KAZN: variants seen among roughly 807,000 people sequenced by gnomAD.
The protein encoded by KAZN is kazrin, periplakin interacting protein, also known as kazrin.
KAZN carries 40 observed loss-of-function variants against 87.4 expected under a neutral mutation model. The observed-to-expected ratio is 0.46, with a 90% CI of 0.36 to 0.60. KAZN has a LOEUF of 0.60. Among genes scored for constraint, KAZN ranks in the 20% least tolerant of loss-of-function variants. The probability of loss-of-function intolerance (pLI) is 0.00; values close to 1 mark genes in which losing one functional copy is unlikely to be tolerated. For synonymous variants in KAZN, 466 were observed against 458.3 expected (o/e 1.02, Z -0.22); for missense variants, 898 against 1,073.9 (o/e 0.84, Z 2.29).
At position 14,598,980 on chromosome 1, in the gene KAZN, C is replaced by T; in HGVS notation, c.-18C>T. 4 of 1,567,010 alleles carry T rather than the reference C, an allele frequency of 2.6e-6. No individual in the cohort carries two copies. The highest frequency in any genetic ancestry group is 2.6e-6 in the Non-Finnish European group (3 of 1,160,240). On this transcript the variant is annotated 5_prime_UTR_variant, in exon 1 of 15. Transcript: ENST00000376030. The surrounding 1 kb of genome is among the most constrained non-coding windows in gnomAD (Gnocchi z 4.2). ...AGCTCTTTGTCACCTCTCTCGCCCC[C>T]AGGCCAAAATCCTGAGCATGATGGA...
intron 1 of KAZN, among the ~76,000 whole-genome samples, chr1:14,719,834 G>T (rs991302260): frequency 2.6e-5 from 4 of 152,178 alleles, no homozygotes; most frequent in Admixed American, 2.6e-4. Flanking sequence ...GTGAGACTCT[G>T]TTTAAGAAAA....
At chr1:15,051,699 G>A (rs894816699) in intron 4 of KAZN, among the ~76,000 whole-genome samples, 1 of 152,200 alleles carries the variant, frequency 6.6e-6, no homozygotes, top group Non-Finnish European at 1.5e-5. Context: ...CAGAGTGGCA[G>A]AGCCAGAACC....
At chr1:14,680,653 C>T (rs2148758636) in intron 1 of KAZN, among the ~76,000 whole-genome samples, 1 of 152,160 alleles carries the variant, frequency 6.6e-6, no homozygotes, top group East Asian at 1.9e-4. Context: ...TGATGTTCCC[C>T]TCCCTATGTC....
At chr1:14,491,031 T>C (rs1669620124) in intron 2 of KAZN, among the ~76,000 whole-genome samples, 1 of 152,244 alleles carries the variant, frequency 6.6e-6, no homozygotes, top group Non-Finnish European at 1.5e-5. Context: ...AGATTCCTTC[T>C]ACAGAAATGT....
chr1:14,294,791 C>G (rs1050254108), intron 2 of KAZN, among the ~76,000 whole-genome samples: 1 of 151,602 alleles, frequency 6.6e-6, no homozygotes, highest in African/African-American at 2.4e-5. Flanking sequence ...CTCATGAGTG[C>G]TTTATGAAGC....
intron 2 of KAZN, among the ~76,000 whole-genome samples, chr1:15,022,792 C>G (rs909980854): frequency 6.6e-5 from 10 of 152,240 alleles, no homozygotes; most frequent in African/African-American, 2.4e-4. Context: ...TAGGTCCCCG[C>G]TCATGCACCT....
intron 1 of KAZN, among the ~76,000 whole-genome samples, chr1:14,600,616 T>C (rs187292152): frequency 2.1e-4 from 31 of 146,268 alleles, no homozygotes; most frequent in African/African-American, 7.8e-4. Context: ...ATTCTTGTCA[T>C]CCTTGCAATG....
chr1:14,332,459 G>C (rs1437914648), intron 2 of KAZN, among the ~76,000 whole-genome samples: 1 of 152,178 alleles, frequency 6.6e-6, no homozygotes, highest in African/African-American at 2.4e-5. Flanking sequence ...CAGAGGCTCT[G>C]ATGTTTGACA....
At chr1:14,865,046 G>A (rs1236167132) in intron 1 of KAZN, among the ~76,000 whole-genome samples, 1 of 152,150 alleles carries the variant, frequency 6.6e-6, no homozygotes, top group East Asian at 1.9e-4. Flanking sequence ...TCTCCTCAAT[G>A]AGATCTTTCC....
At chr1:14,677,537 C>G (rs760886391) in intron 1 of KAZN, among the ~76,000 whole-genome samples, 7 of 152,018 alleles carry the variant, frequency 4.6e-5, no homozygotes, top group Non-Finnish European at 1.0e-4. Flanking sequence ...ATGACAGACT[C>G]TAAGACACCC....
At chr1:14,632,665 C>T (rs572587171) in intron 1 of KAZN, among the ~76,000 whole-genome samples, 3 of 150,384 alleles carry the variant, frequency 2.0e-5, no homozygotes, top group East Asian at 4.0e-4. Context: ...TCCAAATGAA[C>T]TTGCACTGTT....
chr1:14,207,514 T>TCTCA lies in KAZN; in HGVS notation c.249+26940_249+26943dup, dbSNP rs927013564. Among the ~76,000 whole-genome samples, 78 of 152,274 alleles carry TCTCA rather than the reference T, an allele frequency of 5.1e-4. 1 individual carries two copies. Among genetic ancestry groups the TCTCA allele is most frequent in the African/African-American group, 1.7e-3 (70 of 41,554 alleles). ...TTAACCCTACACTTGCACAATATGA[T>TCTCA]CTCACTCACTCACTCACTCACCTAT... On this transcript the variant is annotated intron_variant, in intron 2 of 16. Transcript: ENST00000636203.
At chr1:14,399,764 G>A (rs531621004) in intron 2 of KAZN, among the ~76,000 whole-genome samples, 25 of 152,142 alleles carry the variant, frequency 1.6e-4, no homozygotes, top group Non-Finnish European at 2.2e-4. Context: ...CAAAGCCGTC[G>A]TGCTCGATGC....
At chr1:14,829,529 C>T (rs1004170665) in intron 1 of KAZN, among the ~76,000 whole-genome samples, 6 of 152,034 alleles carry the variant, frequency 3.9e-5, no homozygotes, top group Admixed American at 1.3e-4. Context: ...ATGATTGTGC[C>T]GCTGTACTCC....
intron 10 of KAZN, among the ~76,000 whole-genome samples, chr1:15,100,543 G>A (rs1020068416): frequency 6.6e-6 from 1 of 152,200 alleles, no homozygotes; most frequent in Non-Finnish European, 1.5e-5. Flanking sequence ...CTTCTGCAAG[G>A]CTGCCACTGT....
intron 1 of KAZN, among the ~76,000 whole-genome samples, chr1:14,861,109 G>A (rs1166092495): frequency 6.6e-6 from 1 of 152,204 alleles, no homozygotes; most frequent in African/African-American, 2.4e-5. Context: ...CGGGTGCAGT[G>A]GCTCATGCCT....
chr1:14,897,382 T>C (rs1655387929), intron 1 of KAZN, among the ~76,000 whole-genome samples: 1 of 152,208 alleles, frequency 6.6e-6, no homozygotes, highest in Non-Finnish European at 1.5e-5. Flanking sequence ...GGGATTATCA[T>C]GATTGGCTTA....
chr1:15,040,944 G>A (rs900994717), intron 3 of KAZN, among the ~76,000 whole-genome samples: 1 of 145,918 alleles, frequency 6.9e-6, no homozygotes, highest in Non-Finnish European at 1.5e-5. Context: ...GACTTTTTTT[G>A]TTTTTTGTTT....
At chr1:14,989,245 G>A (rs1374504146) in intron 2 of KAZN, among the ~76,000 whole-genome samples, 5 of 152,216 alleles carry the variant, frequency 3.3e-5, no homozygotes, top group Admixed American at 6.5e-5. Flanking sequence ...GGAGGCCAAG[G>A]TAGGTGGATC....
Sources: gnomAD v4.1 joint callset for allele counts (sites outside exome capture counted in the v4.1 genomes callset) on GRCh38, gnomAD v4.1.1 for gene constraint, Gnocchi (gnomAD v3.1) non-coding constraint, MANE v1.5 for transcripts, NCBI Gene and HGNC (gene_info 2026-07-23, HGNC 2026-07-21) for gene names.